COX19: variants seen among roughly 807,000 people sequenced by gnomAD.
COX19 encodes the protein cytochrome c oxidase assembly protein COX19.
Under a neutral mutation model 6.8 loss-of-function variants are expected in COX19, and 8 were observed. The observed-to-expected ratio is 1.18, with a 90% confidence interval of 0.69 to 2.12. COX19 has a LOEUF of 2.12. Ranked by LOEUF, COX19 falls within the 30% of genes most tolerant of loss-of-function variation. The pLI is 0.00. For missense variants in COX19, 131 were observed against 104.6 expected, an observed-to-expected ratio of 1.25 and a Z score of -1.10; for synonymous variants, 51 against 38.0, an observed-to-expected ratio of 1.34 and a Z score of -1.26.
chr7:968,010 C>T lies in COX19; in HGVS notation c.*1368G>A, dbSNP rs1847583967. The T allele has an allele frequency of 6.6e-6, 1 of 152,284 alleles. No individual in the cohort carries two copies. The highest frequency in any genetic ancestry group is 2.4e-5 in the African/African-American group (1 of 41,476). The allele number at this position is 152,284 out of a possible 1,614,324, so 9.4% of individuals were successfully genotyped here. ...ATATTCTAATAAGAAACAAGACTTT[C>T]CATCAACTAGCGGTGATATGTTAAT... On this transcript the variant is annotated 3_prime_UTR_variant, in exon 3 of 3. Transcript: ENST00000344111.
At chr7:971,047 C>G (rs1314912867) in intron 2 of COX19, among the ~76,000 whole-genome samples, 1 of 152,154 alleles carries the variant, frequency 6.6e-6, no homozygotes, top group Non-Finnish European at 1.5e-5. Context: ...CAGGGATGGC[C>G]TCCTTTACCC....
At position 965,392 on chromosome 7, in the gene COX19, T is replaced by TGG; in HGVS notation, c.*3985_*3986insCC. 6.6e-6 allele frequency among the ~76,000 whole-genome samples: 1 copy of TGG among 152,344 alleles called. No homozygotes were observed. Among genetic ancestry groups the TGG allele is most frequent in the African/African-American group, 2.4e-5 (1 of 41,584 alleles). On this transcript the variant is annotated 3_prime_UTR_variant, in exon 3 of 3. Coordinates refer to ENST00000344111, the MANE Select transcript of COX19 (RefSeq NM_001031617.3). ...AGGCTCCTCGGTTTGGGTCTGTGTC[T>TGG]GTTGTCTCCTTGGGATTACATTCAG... is the stretch of plus-strand genomic sequence containing the variant.
At chr7:973,390 T>C (rs770472549) in intron 1 of COX19, 98 bp from the exon 2 acceptor site, 131 of 1,395,086 alleles carry the variant, frequency 9.4e-5, no homozygotes, top group Non-Finnish European at 1.2e-4. Flanking sequence ...TTTCAAAACT[T>C]GTTTCCTCAG....
At position 966,568 on chromosome 7, in the gene COX19, C is replaced by G. The variant is rs1380881259; in HGVS notation, c.*2810G>C. 2 of 152,326 alleles carry G rather than the reference C, an allele frequency of 1.3e-5. No individual in the cohort carries two copies. Among genetic ancestry groups the G allele is most frequent in the Non-Finnish European group, 2.9e-5 (2 of 68,102 alleles). The allele number at this position is 152,326 out of a possible 1,614,324, so 9.4% of individuals were successfully genotyped here. The stretch of plus-strand genomic sequence containing the variant: ...AGCAATTCTTCACTCTCTAGCTCAT[C>G]TGATACCTTCTCTGGCCTGGCCCTG... On this transcript the variant is annotated 3_prime_UTR_variant, in exon 3 of 3. Transcript: ENST00000344111.
intron 1 of COX19, among the ~76,000 whole-genome samples, chr7:973,603 C>G (rs1429332564): frequency 1.3e-5 from 2 of 151,854 alleles, no homozygotes; most frequent in East Asian, 1.9e-4. Context: ...CAAAGGATTT[C>G]GAGGCTGCAG....
rs1847545917 is a variant in COX19, at chr7:965,908, G to A, written c.*3470C>T. Among the ~76,000 whole-genome samples, 1 of 152,280 alleles carries A rather than the reference G, an allele frequency of 6.6e-6. No individual in the cohort carries two copies. Among genetic ancestry groups the A allele is most frequent in the African/African-American group, 2.4e-5 (1 of 41,552 alleles). On this transcript the variant is annotated 3_prime_UTR_variant, in exon 3 of 3. Transcript: ENST00000344111. ...CCTGCCTCGGCCTCCCAAAGTGTTG[G>A]GATTATAGGCGTGAGCCACTGGCGC...
At chr7:972,108 T>G (rs1037160584) in intron 2 of COX19, among the ~76,000 whole-genome samples, 1 of 152,188 alleles carries the variant, frequency 6.6e-6, no homozygotes, top group African/African-American at 2.4e-5. Context: ...GGCAGCGCCA[T>G]GGAGAAATTC....
chr7:972,459 C>T (rs907898935), intron 2 of COX19, among the ~76,000 whole-genome samples: 21 of 152,162 alleles, frequency 1.4e-4, no homozygotes, highest in African/African-American at 4.8e-4. Flanking sequence ...AGTGGATGGG[C>T]GAATTGTCAA....
At position 965,011 on chromosome 7, in the gene COX19, C is replaced by A. The variant is rs1201039973; in HGVS notation, c.*4367G>T. Reference sequence around the variant, plus strand: ...GGTGTCTGGATTCTTAAGCACAACACATTCAGCAGCCAGACCCAGAAACTC... The same window carrying A: ...GGTGTCTGGATTCTTAAGCACAACAAATTCAGCAGCCAGACCCAGAAACTC... On this transcript the variant is annotated 3_prime_UTR_variant, in exon 3 of 3. Transcript: ENST00000344111. 6.6e-6 allele frequency among the ~76,000 whole-genome samples: 1 copy of A among 152,226 alleles called. No individual in the cohort carries two copies. Among genetic ancestry groups the A allele is most frequent in the Admixed American group, 6.5e-5 (1 of 15,282 alleles).
intron 2 of COX19, among the ~76,000 whole-genome samples, chr7:972,321 A>G (rs1225344750): frequency 1.3e-5 from 2 of 152,198 alleles, no homozygotes; most frequent in Non-Finnish European, 2.9e-5. Flanking sequence ...GAGAAGGCCC[A>G]TCATCCTTAC....
intron 2 of COX19, among the ~76,000 whole-genome samples, chr7:969,893 G>C (rs1847612014): frequency 6.6e-6 from 1 of 151,982 alleles, no homozygotes; most frequent in Admixed American, 6.6e-5. Context: ...CACCCTGGCA[G>C]AGGAGACCTC....
At chr7:971,193 G>C (rs1406947436) in intron 2 of COX19, among the ~76,000 whole-genome samples, 1 of 152,204 alleles carries the variant, frequency 6.6e-6, no homozygotes, top group Non-Finnish European at 1.5e-5. Flanking sequence ...CCCCAGGACA[G>C]GACGCGAACT....
chr7:970,710 C>T (rs1027944528), intron 2 of COX19, among the ~76,000 whole-genome samples: 4 of 152,232 alleles, frequency 2.6e-5, no homozygotes, highest in East Asian at 3.9e-4. Context: ...GTTGGAATTA[C>T]GGGCGTGAGC....
chr7:966,520 A>G lies in COX19; in HGVS notation c.*2858T>C. 1 of 152,204 alleles carries G rather than the reference A, an allele frequency of 6.6e-6. No individual in the cohort carries two copies. The highest frequency in any genetic ancestry group is 1.9e-4 in the East Asian group (1 of 5,190). The allele number at this position is 152,204 out of a possible 1,614,324, so 9.4% of individuals were successfully genotyped here. On this transcript the variant is annotated 3_prime_UTR_variant, in exon 3 of 3. Transcript: ENST00000344111. ...ATGCTCCTTCCCATCCCCCCGTGTT[A>G]TTTCAACAAGTCTCCTCATCCCAGC...
Position 975,488 on chromosome 7 carries a change from C to G in COX19, c.22G>C (p.Gly8Arg), listed in dbSNP as rs369873504. The G allele has an allele frequency of 6.2e-7, 1 of 1,603,290 alleles. No homozygotes were observed. Among genetic ancestry groups the G allele is most frequent in the African/African-American group, 1.4e-5 (1 of 73,122 alleles). Residue 8 changes from glycine to arginine, a missense_variant, in exon 1 of 3, where the codon GGG becomes CGG. Transcript: ENST00000344111. MSTAMNF[G>R]TKSFQPRPPD... ...GGCCGCGGCTGGAAGCTCTTGGTCCCGAAATTCATGGCGGTCGACATGTTG... is the reference window on the plus strand; with the variant it reads ...GGCCGCGGCTGGAAGCTCTTGGTCCGGAAATTCATGGCGGTCGACATGTTG...
intron 2 of COX19, among the ~76,000 whole-genome samples, chr7:972,530 C>T (rs1367864790): frequency 6.6e-6 from 1 of 152,130 alleles, no homozygotes; most frequent in East Asian, 1.9e-4. Context: ...CTAATCATGG[C>T]CTCGAAAAGC....
chr7:969,157 G>A lies in COX19; in HGVS notation c.*221C>T, dbSNP rs963681067. ...CGCTCGCCTCCCTCCCAGCTTTGCC[G>A]GGAACGCCGTCCCACTCAGGGGTTC... is the stretch of plus-strand genomic sequence containing the variant. On this transcript the variant is annotated 3_prime_UTR_variant, in exon 3 of 3. Transcript: ENST00000344111. The A allele has an allele frequency of 3.8e-5, 19 of 503,558 alleles. No homozygotes were observed. The highest frequency in any genetic ancestry group is 6.6e-5 in the East Asian group (2 of 30,140). 31.2% of individuals were successfully genotyped at this position (503,558 alleles called of 1,614,324 possible). A position where few individuals can be genotyped will look rare whatever the true frequency, so the allele number is the denominator to read the frequency against.
intron 2 of COX19, among the ~76,000 whole-genome samples, chr7:970,282 A>C (rs1235346581): frequency 6.6e-6 from 1 of 150,736 alleles, no homozygotes; most frequent in Non-Finnish European, 1.5e-5. Context: ...GTACAGGTGC[A>C]CATCACCACG....
At chr7:973,391 G>C in intron 1 of COX19, 99 bp from the exon 2 acceptor site, 1 of 1,386,772 alleles carries the variant, frequency 7.2e-7, no homozygotes, top group African/African-American at 1.5e-5. Flanking sequence ...TTCAAAACTT[G>C]TTTCCTCAGG....
Sources: allele counts gnomAD v4.1 joint callset (sites outside exome capture counted in the v4.1 genomes callset), GRCh38; gene constraint gnomAD v4.1.1; transcripts MANE v1.5; gene names NCBI Gene and HGNC (gene_info 2026-07-23, HGNC 2026-07-21).